PEDS1: variants seen among roughly 807,000 people sequenced by gnomAD.
The protein encoded by PEDS1 is plasmanylethanolamine desaturase 1, also known as CarF homolog.
In PEDS1, 14 loss-of-function variants were observed where a neutral mutation model predicts 35.2. The observed-to-expected ratio is 0.40, with a 90% CI of 0.26 to 0.62. The LOEUF (loss-of-function observed/expected upper bound fraction) is 0.62. Ranked by LOEUF, PEDS1 falls within the 20% of genes least tolerant of loss-of-function variation. PEDS1 has a pLI of 0.44. For synonymous variants in PEDS1, 152 were observed against 152.0 expected (o/e 1.00, Z 0.00); for missense variants, 260 against 367.8 (o/e 0.71, Z 2.40).
chr20:50,124,413 GAA>G lies in PEDS1; in HGVS notation c.*643_*644del. ...ATGCTCTGCAGGGGCTGTGCCCTGT[GAA>G]GACATCTTGGTATTGGAAACATCAG... On this transcript the variant is annotated 3_prime_UTR_variant, in exon 6 of 6. Transcript: ENST00000371652. 1 of 152,764 alleles carries G rather than the reference GAA, an allele frequency of 6.5e-6. No homozygotes were observed. Among genetic ancestry groups the G allele is most frequent in the South Asian group, 2.1e-4 (1 of 4,828 alleles). The allele number at this position is 152,764 out of a possible 1,614,324, so 9.5% of individuals were successfully genotyped here.
intron 1 of PEDS1, among the ~76,000 whole-genome samples, chr20:50,144,021 G>A (rs1216516102): frequency 6.6e-6 from 1 of 152,012 alleles, no homozygotes; most frequent in Non-Finnish European, 1.5e-5. Context: ...TTTGTTTAAT[G>A]CATCTATATT....
chr20:50,134,729 TTTATG>T (rs1267997507), intron 2 of PEDS1, among the ~76,000 whole-genome samples: 3 of 152,194 alleles, frequency 2.0e-5, no homozygotes, highest in Non-Finnish European at 1.5e-5. Flanking sequence ...CTTGGCTCAT[TTTATG>T]TTATAATTGA....
At chr20:50,130,979 C>T (rs1357916213) in intron 2 of PEDS1, 32 bp from the exon 3 acceptor site, 1 of 1,614,162 alleles carries the variant, frequency 6.2e-7, no homozygotes, top group Non-Finnish European at 8.5e-7. Context: ...AAGGGACATC[C>T]CTGCACCCCC....
intron 2 of PEDS1, among the ~76,000 whole-genome samples, chr20:50,142,058 G>T (rs1307406998): frequency 6.6e-6 from 1 of 152,216 alleles, no homozygotes; most frequent in Non-Finnish European, 1.5e-5. Flanking sequence ...GGGCCTGGGA[G>T]TGGAGATAGT....
rs1243670689 is a variant in PEDS1 at position 50,123,996 on chromosome 20, C to A, written c.*1062G>T. The stretch of plus-strand genomic sequence containing the variant: ...ACCACTGTCCTCACCCAATCCCCTC[C>A]AAAAGGCTTTGGAGCAGATGTCAAC... On this transcript the variant is annotated 3_prime_UTR_variant, in exon 6 of 6. Coordinates refer to ENST00000371652, the MANE Select transcript of PEDS1 (RefSeq NM_199129.4). 1 of 152,334 alleles carries A rather than the reference C, an allele frequency of 6.6e-6. No homozygotes were observed. Among genetic ancestry groups the A allele is most frequent in the Non-Finnish European group, 1.5e-5 (1 of 68,044 alleles). 9.4% of individuals were successfully genotyped at this position (152,334 alleles called of 1,614,324 possible).
At chr20:50,148,329 G>A (rs2081367415) in intron 1 of PEDS1, among the ~76,000 whole-genome samples, 1 of 152,286 alleles carries the variant, frequency 6.6e-6, no homozygotes, top group Non-Finnish European at 1.5e-5. Context: ...GGGTCAACTG[G>A]CCTAAACTGT....
chr20:50,150,972 G>A (rs1418856300), intron 1 of PEDS1, among the ~76,000 whole-genome samples: 4 of 152,070 alleles, frequency 2.6e-5, no homozygotes, highest in Non-Finnish European at 5.9e-5. Context: ...CTAGGATTAC[G>A]GGTGTGAGCC....
chr20:50,142,056 G>A (rs2081296686), intron 2 of PEDS1, among the ~76,000 whole-genome samples: 1 of 152,174 alleles, frequency 6.6e-6, no homozygotes, highest in South Asian at 2.1e-4. Context: ...CAGGGCCTGG[G>A]AGTGGAGATA....
rs1032290156 is a variant in PEDS1, at chr20:50,128,080, G to A, written c.586C>T (p.Pro196Ser). 7.4e-6 allele frequency: 12 copies of A among 1,614,214 alleles called. No homozygotes were observed. Among genetic ancestry groups the A allele is most frequent in the Non-Finnish European group, 1.0e-5 (12 of 1,180,024 alleles). Residue 196 changes from proline (P) to serine (S), a missense_variant, in exon 5 of 6, where the codon CCA becomes TCA. Physicochemically the swap from Pro to Ser is moderately conservative, Grantham distance 74. Around this residue, in one of 4 missense-constraint regions of PEDS1, gnomAD observed 83 missense variants for 142.8 expected, o/e 0.58. Coordinates refer to ENST00000371652, the MANE Select transcript of PEDS1 (RefSeq NM_199129.4). This position sits in a 1 kb window ranked among gnomAD's most constrained non-coding sequence, Gnocchi z 5.2. ...TCCTGCAGGAGGGTGACCCAGCGTG[G>A]CAGCCCAAAGTACGTGTGCGACCAC... Reference protein sequence around the residue: ...HKWSHTYFGLPRWVTLLQDWH... With the variant: ...HKWSHTYFGLSRWVTLLQDWH...
chr20:50,124,901 T>A lies in PEDS1; in HGVS notation c.*157A>T, dbSNP rs1601203456. ...AGAAATGAAAAATCAGTGGCTCAAG[T>A]ATTCTGTGTCATGAGGGGTGGGCTG... On this transcript the variant is annotated 3_prime_UTR_variant, in exon 6 of 6. Transcript: ENST00000371652. 1 of 902,922 alleles carries A rather than the reference T, an allele frequency of 1.1e-6. No homozygotes were observed. The highest frequency in any genetic ancestry group is 2.6e-5 in the East Asian group (1 of 38,518). 55.9% of individuals were successfully genotyped at this position (902,922 alleles called of 1,614,324 possible).
chr20:50,138,222 A>C (rs2081256219), intron 2 of PEDS1, among the ~76,000 whole-genome samples: 1 of 152,198 alleles, frequency 6.6e-6, no homozygotes, highest in South Asian at 2.1e-4. Context: ...CTTCATGTCC[A>C]CAGTAACAGG....
intron 2 of PEDS1, among the ~76,000 whole-genome samples, chr20:50,133,742 T>C (rs973529781): frequency 6.6e-6 from 1 of 152,256 alleles, no homozygotes; most frequent in Non-Finnish European, 1.5e-5. Flanking sequence ...TTCCGGGCAG[T>C]TGCTCTCGCT....
chr20:50,150,923 T>C (rs557558200), intron 1 of PEDS1, among the ~76,000 whole-genome samples: 40 of 152,286 alleles, frequency 2.6e-4, no homozygotes, highest in African/African-American at 8.9e-4. Context: ...CTCGAACTCC[T>C]GACCTCAAGT....
intron 2 of PEDS1, among the ~76,000 whole-genome samples, chr20:50,142,693 C>G (rs6020287): frequency 0.023 from 2,411 of 102,884 alleles, 360 homozygotes; most frequent in African/African-American, 0.084. Flanking sequence ...CCCCCCCCCC[C>G]CCGCCCCAAC....
At chr20:50,151,585 C>G (rs2081403936) in intron 1 of PEDS1, among the ~76,000 whole-genome samples, 1 of 152,204 alleles carries the variant, frequency 6.6e-6, no homozygotes, top group South Asian at 2.1e-4. Flanking sequence ...AGGCGCCAGG[C>G]ACAGTGGCTC....
intron 1 of PEDS1, among the ~76,000 whole-genome samples, chr20:50,145,266 A>G (rs2081334119): frequency 1.3e-5 from 2 of 151,992 alleles, no homozygotes; most frequent in African/African-American, 4.8e-5. Flanking sequence ...CCAGTGGCTT[A>G]CTCCTGTAAT....
chr20:50,138,148 C>A (rs979051901), intron 2 of PEDS1, among the ~76,000 whole-genome samples: 2 of 152,202 alleles, frequency 1.3e-5, no homozygotes, highest in Admixed American at 6.5e-5. Flanking sequence ...CTGCCCCATC[C>A]TTCTGTAAGT....
chr20:50,147,244 A>G (rs1250659270), intron 1 of PEDS1, among the ~76,000 whole-genome samples: 3 of 152,028 alleles, frequency 2.0e-5, no homozygotes, highest in African/African-American at 7.3e-5. Flanking sequence ...AAGTGAGCTA[A>G]ATTTGAAAAT....
chr20:50,141,358 C>A (rs2081289745), intron 2 of PEDS1, among the ~76,000 whole-genome samples: 1 of 152,260 alleles, frequency 6.6e-6, no homozygotes, highest in Non-Finnish European at 1.5e-5. Flanking sequence ...TAGGTGCTCA[C>A]AAAACATCCG....
Sources: gnomAD v4.1 joint callset for allele counts (sites outside exome capture counted in the v4.1 genomes callset) on GRCh38, gnomAD v4.1.1 for gene constraint, gnomAD v4.1.1 regional missense constraint, Gnocchi (gnomAD v3.1) non-coding constraint, MANE v1.5 for transcripts, NCBI Gene and HGNC (gene_info 2026-07-23, HGNC 2026-07-21) for gene names.